Variants in PRKD3 observed in about 807,000 individuals in gnomAD.
PRKD3 encodes serine/threonine-protein kinase D3.
A neutral mutation model predicts 99.2 loss-of-function variants in PRKD3; 47 were observed. The ratio of observed to expected loss-of-function variants is 0.47; its 90% CI spans 0.38 to 0.60. The LOEUF is 0.60. Among genes scored for constraint, PRKD3 ranks in the 20% least tolerant of loss-of-function variants. The pLI is 0.00. For missense variants in PRKD3, 1,019 were observed against 1,088.4 expected (o/e 0.94, Z 0.90); for synonymous variants, 392 against 355.4 (o/e 1.10, Z -1.16).
At chr2:37,298,750 C>T (rs536075295) in intron 2 of PRKD3, among the ~76,000 whole-genome samples, 1 of 152,176 alleles carries the variant, frequency 6.6e-6, no homozygotes, top group South Asian at 2.1e-4. Flanking sequence ...TATAGAAATG[C>T]TACTGATTTC....
intron 9 of PRKD3, among the ~76,000 whole-genome samples, chr2:37,277,490 A>T (rs756807748): frequency 6.6e-6 from 1 of 152,186 alleles, no homozygotes; most frequent in African/African-American, 2.4e-5. Flanking sequence ...ACACTAAGTT[A>T]AAGTCTACAT....
chr2:37,295,374 T>TA (rs1251734583), intron 2 of PRKD3, among the ~76,000 whole-genome samples: 2 of 151,986 alleles, frequency 1.3e-5, no homozygotes, highest in Non-Finnish European at 2.9e-5. Flanking sequence ...TGAGCAGAAC[T>TA]AAAAAAGAGA....
chr2:37,283,369 T>A (rs1277317445), intron 6 of PRKD3, among the ~76,000 whole-genome samples: 1 of 152,128 alleles, frequency 6.6e-6, no homozygotes, highest in African/African-American at 2.4e-5. Context: ...TAATACCACC[T>A]TTGAAATGCA....
chr2:37,268,199 CTATT>C, intron 13 of PRKD3: 1 of 407,814 alleles, frequency 2.5e-6, no homozygotes, highest in Non-Finnish European at 4.9e-6. Context: ...CTCTACATAG[CTATT>C]TATTTTAGAT....
intron 2 of PRKD3, among the ~76,000 whole-genome samples, chr2:37,313,972 T>C (rs1338152569): frequency 6.6e-6 from 1 of 152,114 alleles, no homozygotes; most frequent in Non-Finnish European, 1.5e-5. Flanking sequence ...GGGATCAATA[T>C]ATCAAAGGCT....
chr2:37,311,079 TAA>T (rs1289739573), intron 2 of PRKD3, among the ~76,000 whole-genome samples: 1 of 152,166 alleles, frequency 6.6e-6, no homozygotes, highest in African/African-American at 2.4e-5. Flanking sequence ...TATATGTGCA[TAA>T]AGAGACCAGT....
intron 1 of PRKD3, among the ~76,000 whole-genome samples, chr2:37,318,357 T>C (rs1027751510): frequency 6.6e-6 from 1 of 152,204 alleles, no homozygotes; most frequent in African/African-American, 2.4e-5. Context: ...TCATAACTCT[T>C]TGAAAGTTGA....
At chr2:37,294,075 C>T (rs1271605095) in intron 2 of PRKD3, among the ~76,000 whole-genome samples, 2 of 152,106 alleles carry the variant, frequency 1.3e-5, no homozygotes, top group African/African-American at 4.8e-5. Context: ...TTAGAAAAGT[C>T]CTGTATATAT....
chr2:37,286,670 T>G (rs1370776861), intron 5 of PRKD3, among the ~76,000 whole-genome samples: 1 of 152,142 alleles, frequency 6.6e-6, no homozygotes, highest in Non-Finnish European at 1.5e-5. Flanking sequence ...TACACAAACT[T>G]TAAAACAAAT....
chr2:37,260,243 T>C lies in PRKD3; in HGVS notation c.2026A>G (p.Thr676Ala). Residue 676 changes from threonine (T) to alanine (A), a missense_variant, in exon 15 of 19, where the codon ACT becomes GCT. Around this residue, in one of 3 missense-constraint regions of PRKD3, gnomAD observed 184 missense variants for 275.1 expected, o/e 0.67. Coordinates refer to ENST00000234179, the MANE Select transcript of PRKD3 (RefSeq NM_005813.6). ...SEKSRLPERI[T>A]KFMVTQILVA... is the part of the protein sequence containing the mutation. ...AATACCTGTGTGACCATGAATTTAG[T>C]AATTCGTTCTGGAAGCCGACTTTTC... The C allele has an allele frequency of 1.2e-6, 2 of 1,611,282 alleles. No individual in the cohort carries two copies. Among genetic ancestry groups the C allele is most frequent in the Non-Finnish European group, 1.7e-6 (2 of 1,177,982 alleles).
intron 18 of PRKD3, 33 bp downstream of exon 18, chr2:37,254,171 G>C (rs748062333): frequency 2.0e-6 from 3 of 1,491,020 alleles, no homozygotes; most frequent in Non-Finnish European, 1.9e-6. Context: ...ACTCAAATGA[G>C]GATTGCCAAA....
intron 2 of PRKD3, among the ~76,000 whole-genome samples, chr2:37,312,766 G>C (rs182690673): frequency 6.6e-6 from 1 of 152,154 alleles, no homozygotes; most frequent in Non-Finnish European, 1.5e-5. Context: ...TAAATAAAGT[G>C]TCTTCAAACA....
intron 2 of PRKD3, among the ~76,000 whole-genome samples, chr2:37,296,662 C>G (rs1166887162): frequency 6.6e-6 from 1 of 151,924 alleles, no homozygotes; most frequent in Non-Finnish European, 1.5e-5. Context: ...CTTTGGGAGG[C>G]CGCGGCGGGA....
intron 13 of PRKD3, chr2:37,269,284 T>C (rs1469746827): frequency 3.6e-6 from 1 of 278,318 alleles, no homozygotes; most frequent in East Asian, 7.5e-5. Context: ...TAGTAGGGAA[T>C]ATACTTCAAT....
At chr2:37,319,956 G>C (rs989158786) in intron 1 of PRKD3, among the ~76,000 whole-genome samples, 6 of 152,194 alleles carry the variant, frequency 3.9e-5, no homozygotes, top group Admixed American at 1.3e-4. Flanking sequence ...CAGGTTGCAA[G>C]GATTGAGCTA....
In PRKD3 at chr2:37,316,325, C is replaced by A. The variant is rs777025865; in HGVS notation, c.200G>T (p.Gly67Val). 6.2e-7 allele frequency: 1 copy of A among 1,614,196 alleles called. No homozygotes were observed. Among genetic ancestry groups the A allele is most frequent in the South Asian group, 1.1e-5 (1 of 91,088 alleles). ...AATGGTAACACTCTCCCGTGTGAGG[C>A]CAATTTGCAGTAGAAATGAAACTGT... ...VHTVSFLLQIGLTRESVTIEA... is the reference protein window; with the variant it reads ...VHTVSFLLQIVLTRESVTIEA... The change falls in exon 2 of 19, where the codon GGC becomes GTC. Residue 67 changes from glycine to valine, a missense_variant. Coordinates refer to ENST00000234179, the MANE Select transcript of PRKD3 (RefSeq NM_005813.6).
rs141755545 is a variant in PRKD3, at chr2:37,295,763, T to C, written c.289-2492A>G. ...AAATACCAGTGATTTATATCACTAA[T>C]GTATACCTAAAAGGGAGACGAGACA... On this transcript the variant is annotated intron_variant, in intron 2 of 18. Coordinates refer to ENST00000234179, the MANE Select transcript of PRKD3 (RefSeq NM_005813.6). Among the ~76,000 whole-genome samples the C allele has an allele frequency of 6.5e-3, 997 of 152,288 alleles. 15 individuals are homozygous for C. The highest frequency in any genetic ancestry group is 0.023 in the African/African-American group (960 of 41,548).
intron 5 of PRKD3, 115 bp from the exon 6 acceptor site, chr2:37,286,484 A>C: frequency 1.2e-6 from 1 of 856,940 alleles, no homozygotes; most frequent in Non-Finnish European, 1.7e-6. Flanking sequence ...AAACTCTAAA[A>C]ATGTTGTTCT....
intron 16 of PRKD3, among the ~76,000 whole-genome samples, chr2:37,258,855 A>G (rs922802571): frequency 6.6e-6 from 1 of 152,232 alleles, no homozygotes; most frequent in Non-Finnish European, 1.5e-5. Context: ...CTAAATGTAC[A>G]TGTTTCAAAT....
Sources: allele counts gnomAD v4.1 joint callset (sites outside exome capture counted in the v4.1 genomes callset), GRCh38; gene constraint gnomAD v4.1.1; regional missense constraint gnomAD v4.1.1; transcripts MANE v1.5; gene names NCBI Gene and HGNC (gene_info 2026-07-23, HGNC 2026-07-21).